ROBO1: variants seen among roughly 807,000 people sequenced by gnomAD.
The protein encoded by ROBO1 is roundabout guidance receptor 1.
ROBO1 carries 149 observed loss-of-function variants against 195.9 expected under a neutral mutation model. The ratio of observed to expected loss-of-function variants is 0.76; its 90% CI spans 0.67 to 0.87. The LOEUF is 0.87. Ranked by LOEUF, ROBO1 falls within the 40% of genes least tolerant of loss-of-function variation. The pLI, the probability that ROBO1 is intolerant of heterozygous loss-of-function variation, is 0.00. For missense variants in ROBO1, 1,933 were observed against 2,068.3 expected (o/e 0.93, Z 1.27); for synonymous variants, 816 against 733.2 (o/e 1.11, Z -1.82).
chr3:78,704,019 T>TG (rs558787559), intron 8 of ROBO1, among the ~76,000 whole-genome samples: 21 of 151,986 alleles, frequency 1.4e-4, no homozygotes, highest in Middle Eastern at 3.4e-3. Flanking sequence ...AATAAAGCCT[T>TG]GGGGGGGTCT....
At chr3:79,114,827 G>A (rs982165706) in intron 3 of ROBO1, among the ~76,000 whole-genome samples, 9 of 152,150 alleles carry the variant, frequency 5.9e-5, no homozygotes, top group Admixed American at 2.6e-4. Context: ...ATTCACCAAG[G>A]GACCCATCAT....
chr3:78,772,035 T>C (rs1162692467), intron 4 of ROBO1, among the ~76,000 whole-genome samples: 1 of 152,116 alleles, frequency 6.6e-6, no homozygotes, highest in Non-Finnish European at 1.5e-5. Flanking sequence ...ATTAATAAAA[T>C]ACTCAAGATA....
intron 1 of ROBO1, among the ~76,000 whole-genome samples, chr3:79,686,933 A>G (rs1020503740): frequency 6.6e-6 from 1 of 152,160 alleles, no homozygotes; most frequent in African/African-American, 2.4e-5. Flanking sequence ...CAAAAGAACA[A>G]AGCTGGAGGC....
chr3:78,917,156 G>A (rs2038656956), intron 4 of ROBO1, among the ~76,000 whole-genome samples: 1 of 147,660 alleles, frequency 6.8e-6, no homozygotes, highest in Non-Finnish European at 1.5e-5. Context: ...GAGTGCAGAG[G>A]CACAATCTCG....
rs762794556 is a variant in ROBO1 at position 78,651,900 on chromosome 3, C to T, written c.2644G>A (p.Asp882Asn). ...DAHGNPVSPE[D>N]QVSLAQQISD... ...ATCTGCTGAGCGAGGCTGACTTGGTCCTCAGGTGACACAGGGTTTCCATGG... is the reference window on the plus strand; with the variant it reads ...ATCTGCTGAGCGAGGCTGACTTGGTTCTCAGGTGACACAGGGTTTCCATGG... Residue 882 changes from aspartate (D) to asparagine (N), a missense_variant, in exon 19 of 31, where the codon GAC (aspartate) becomes AAC (asparagine). This residue lies in a region of ROBO1 where 1,737 missense variants were observed against 1,882.5 expected (regional missense o/e 0.92). Coordinates refer to ENST00000464233, the MANE Select transcript of ROBO1 (RefSeq NM_002941.4). 1 of 1,613,176 alleles carries T rather than the reference C, an allele frequency of 6.2e-7. No individual in the cohort carries two copies. Among genetic ancestry groups the T allele is most frequent in the East Asian group, 2.2e-5 (1 of 44,846 alleles).
intron 2 of ROBO1, among the ~76,000 whole-genome samples, chr3:79,191,458 T>C (rs970060207): frequency 7.3e-5 from 11 of 151,458 alleles, no homozygotes; most frequent in Non-Finnish European, 1.3e-4. Context: ...AAACTCTTTG[T>C]ATTATTTAGA....
chr3:79,395,476 A>T lies in ROBO1; in HGVS notation c.88+194348T>A, dbSNP rs191370725. 2.4e-3 allele frequency among the ~76,000 whole-genome samples: 367 copies of T among 152,196 alleles called. 2 individuals are homozygous for T. Among genetic ancestry groups the T allele is most frequent in the African/African-American group, 7.5e-3 (313 of 41,572 alleles). ...TCCCATCTAATGAGAGTGCCAATGA[A>T]ACAAAATTTATATGTAGAAATTTCT... On this transcript the variant is annotated intron_variant, in intron 2 of 30. Coordinates refer to ENST00000464233, the MANE Select transcript of ROBO1 (RefSeq NM_002941.4).
At chr3:79,472,901 A>T (rs1559924224) in intron 2 of ROBO1, among the ~76,000 whole-genome samples, 1 of 152,132 alleles carries the variant, frequency 6.6e-6, no homozygotes, top group Non-Finnish European at 1.5e-5. Context: ...TTCTTGAAAG[A>T]GGAGCTTTTA....
intron 17 of ROBO1, among the ~76,000 whole-genome samples, chr3:78,658,948 G>A (rs372717919): frequency 6.6e-6 from 1 of 152,134 alleles, no homozygotes; most frequent in East Asian, 1.9e-4. Context: ...GAAGTTACGT[G>A]AAATCCACCC....
chr3:78,684,594 T>C (rs950934846), intron 10 of ROBO1, among the ~76,000 whole-genome samples: 6 of 152,044 alleles, frequency 3.9e-5, no homozygotes, highest in Non-Finnish European at 7.4e-5. Flanking sequence ...AAAATGTAAT[T>C]TGGGGAGAAG....
chr3:79,613,933 G>A (rs1944743135), intron 1 of ROBO1, among the ~76,000 whole-genome samples: 1 of 151,944 alleles, frequency 6.6e-6, no homozygotes, highest in Non-Finnish European at 1.5e-5. Context: ...AACAACAAAT[G>A]TAAAAGCAAT....
At chr3:79,551,990 A>C (rs1465090883) in intron 2 of ROBO1, among the ~76,000 whole-genome samples, 2 of 129,256 alleles carry the variant, frequency 1.5e-5, no homozygotes, top group East Asian at 4.1e-4. Flanking sequence ...TAAAAAAAAA[A>C]AAAAAAAAAA....
At chr3:78,897,342 G>C (rs1430060607) in intron 4 of ROBO1, among the ~76,000 whole-genome samples, 1 of 152,138 alleles carries the variant, frequency 6.6e-6, no homozygotes, top group Non-Finnish European at 1.5e-5. Context: ...CCAGTGTGCA[G>C]ATAGTCTGGG....
intron 1 of ROBO1, among the ~76,000 whole-genome samples, chr3:79,632,154 CATT>C (rs1187307345): frequency 6.6e-6 from 1 of 152,056 alleles, no homozygotes; most frequent in Non-Finnish European, 1.5e-5. Context: ...TAAAAGAAAA[CATT>C]ATATCGAAAA....
At chr3:79,682,338 A>C (rs1047965309) in intron 1 of ROBO1, among the ~76,000 whole-genome samples, 1 of 149,460 alleles carries the variant, frequency 6.7e-6, no homozygotes, top group South Asian at 2.1e-4. Flanking sequence ...ATGAAACATA[A>C]ATAACATCTT....
chr3:78,751,657 A>G (rs1316784918), intron 4 of ROBO1, among the ~76,000 whole-genome samples: 1 of 152,188 alleles, frequency 6.6e-6, no homozygotes, highest in African/African-American at 2.4e-5. Flanking sequence ...CCTGACAATC[A>G]TATGGCTATC....
chr3:79,589,955 G>T lies in ROBO1; in HGVS notation c.-44C>A. On this transcript the variant is annotated 5_prime_UTR_variant, in exon 2 of 31. Transcript: ENST00000464233. ...TTACAACCAGCCAGTGACAGACAAT[G>T]TGTTATCTGGGGAGATTAAAAAAAT... is the stretch of plus-strand genomic sequence containing the variant. 7.5e-7 allele frequency: 1 copy of T among 1,332,898 alleles called. No individual in the cohort carries two copies. The highest frequency in any genetic ancestry group is 1.1e-6 in the Non-Finnish European group (1 of 926,496). The allele number at this position is 1,332,898 out of a possible 1,614,324, so 82.6% of individuals were successfully genotyped here. A position where few individuals can be genotyped will look rare whatever the true frequency, so the allele number is the denominator to read the frequency against.
chr3:79,500,885 A>G (rs902820429), intron 2 of ROBO1, among the ~76,000 whole-genome samples: 1 of 152,158 alleles, frequency 6.6e-6, no homozygotes, highest in Non-Finnish European at 1.5e-5. Context: ...TGAAATGTCA[A>G]ACCAGCTTTG....
intron 2 of ROBO1, among the ~76,000 whole-genome samples, chr3:79,166,095 T>C (rs1377448118): frequency 2.6e-5 from 4 of 152,170 alleles, no homozygotes; most frequent in African/African-American, 9.7e-5. Context: ...CTCATTGCAA[T>C]AGGTCTCTAC....
Sources: allele counts gnomAD v4.1 joint callset (sites outside exome capture counted in the v4.1 genomes callset), GRCh38; gene constraint gnomAD v4.1.1; regional missense constraint gnomAD v4.1.1; transcripts MANE v1.5; gene names NCBI Gene and HGNC (gene_info 2026-07-23, HGNC 2026-07-21).